Variants in EHF observed in about 807,000 individuals in gnomAD.
The protein encoded by EHF is ESE3 transcription factor.
Under a neutral mutation model 45.1 loss-of-function variants are expected in EHF, and 14 were observed. The observed-to-expected ratio is 0.31, with a 90% confidence interval of 0.21 to 0.49. The LOEUF is 0.49. Among genes scored for constraint, EHF ranks in the 20% least tolerant of loss-of-function variants. The pLI, the probability that EHF is intolerant of heterozygous loss-of-function variation, is 0.99. For missense variants in EHF, 282 were observed against 371.4 expected, an observed-to-expected ratio of 0.76 and a Z score of 1.98; for synonymous variants, 136 against 131.8, an observed-to-expected ratio of 1.03 and a Z score of -0.22.
At chr11:34,632,180 G>A (rs1852954824) in intron 1 of EHF, among the ~76,000 whole-genome samples, 3 of 152,194 alleles carry the variant, frequency 2.0e-5, no homozygotes, top group Non-Finnish European at 4.4e-5. Flanking sequence ...TGTTTGGGCA[G>A]ATGCCTTTCT....
chr11:34,657,647 G>T (rs900949013), intron 7 of EHF, among the ~76,000 whole-genome samples: 1 of 151,850 alleles, frequency 6.6e-6, no homozygotes, highest in Admixed American at 6.6e-5. Context: ...AAAATTAGCT[G>T]GGCATGGTGG....
chr11:34,648,794 A>G (rs889555694), intron 3 of EHF, among the ~76,000 whole-genome samples: 7 of 152,136 alleles, frequency 4.6e-5, no homozygotes, highest in Non-Finnish European at 8.8e-5. Flanking sequence ...CACATCAAAT[A>G]ATTGCTTCTA....
intron 1 of EHF, among the ~76,000 whole-genome samples, chr11:34,625,733 G>A (rs1161705613): frequency 6.6e-6 from 1 of 152,212 alleles, no homozygotes; most frequent in Non-Finnish European, 1.5e-5. Context: ...TATTTCACAA[G>A]CACCTAACCG....
intron 7 of EHF, among the ~76,000 whole-genome samples, chr11:34,658,124 G>A (rs911626032): frequency 6.6e-6 from 1 of 152,144 alleles, no homozygotes; most frequent in Non-Finnish European, 1.5e-5. Context: ...AATTGGTTGA[G>A]ATACTGGATA....
At chr11:34,645,315 G>GTATCTGAATGTAC (rs1278825534) in intron 2 of EHF, among the ~76,000 whole-genome samples, 23 of 152,216 alleles carry the variant, frequency 1.5e-4, no homozygotes, top group East Asian at 3.9e-4. Flanking sequence ...TTCTTCATTG[G>GTATCTGAATGTAC]CATCTGAATG....
chr11:34,626,842 T>C (rs1326334121), intron 1 of EHF, among the ~76,000 whole-genome samples: 1 of 152,230 alleles, frequency 6.6e-6, no homozygotes. Context: ...AGCTGGACTC[T>C]ACCACTGGGT....
rs1048904 is a variant in EHF, at chr11:34,662,996, C to A, written c.*4065C>A. On this transcript the variant is annotated 3_prime_UTR_variant, in exon 9 of 9. Transcript: ENST00000257831. ...TCCTGTTGAGACTGTGTCTTATGAA[C>A]CTCTGAAACGTACAAGCCTTCACAA... 0.16 allele frequency among the ~76,000 whole-genome samples: 24,767 copies of A among 151,990 alleles called. 2,328 individuals carry two copies. Among genetic ancestry groups the A allele is most frequent in the East Asian group, 0.42 (2,174 of 5,166 alleles).
At position 34,658,934 on chromosome 11, in the gene EHF, C is replaced by A. The variant is rs142375727; in HGVS notation, c.*3C>A. ...GATGGAGAGAAAATGAAAACTGAAG[C>A]TGCCAATACTTTGGACACAAACCAA... On this transcript the variant is annotated 3_prime_UTR_variant, in exon 9 of 9. Transcript: ENST00000257831. The A allele has an allele frequency of 8.0e-5, 128 of 1,608,728 alleles. No homozygotes were observed. The East Asian group carries it at 2.8e-3, about 36-fold the overall frequency.
intron 2 of EHF, among the ~76,000 whole-genome samples, 189 bp downstream of exon 2, chr11:34,642,916 G>C (rs2134108034): frequency 6.6e-6 from 1 of 152,330 alleles, no homozygotes; most frequent in South Asian, 2.1e-4. Flanking sequence ...GCTCGTTTGA[G>C]ATATTCTATT....
chr11:34,652,117 T>C (rs1855230502), intron 6 of EHF, among the ~76,000 whole-genome samples: 1 of 152,208 alleles, frequency 6.6e-6, no homozygotes, highest in African/African-American at 2.4e-5. Context: ...CTAAAATTAT[T>C]CATATTTGGG....
intron 1 of EHF, among the ~76,000 whole-genome samples, chr11:34,635,477 G>A (rs1003969984): frequency 1.9e-5 from 2 of 106,964 alleles, no homozygotes; most frequent in African/African-American, 6.0e-5. Flanking sequence ...TTGAGATGGA[G>A]TTTCACTCTT....
chr11:34,662,224 C>T lies in EHF; in HGVS notation c.*3293C>T, dbSNP rs1856127415. Among the ~76,000 whole-genome samples, 1 of 152,070 alleles carries T rather than the reference C, an allele frequency of 6.6e-6. No homozygotes were observed. Among genetic ancestry groups the T allele is most frequent in the South Asian group, 2.1e-4 (1 of 4,818 alleles). On this transcript the variant is annotated 3_prime_UTR_variant, in exon 9 of 9. Transcript: ENST00000257831. ...CTAAAAGACTCCTCTGATTGGGAGACCATATCTATAATTGGGATGTGAATC... is the reference window on the plus strand; with the variant it reads ...CTAAAAGACTCCTCTGATTGGGAGATCATATCTATAATTGGGATGTGAATC...
At position 34,659,902 on chromosome 11, in the gene EHF, C is replaced by T. The variant is rs1855980064; in HGVS notation, c.*971C>T. ...GCAGTATCCACTCATGGTCTCTAAC[C>T]ACTTGACACCAGAAACCCCCCAGCT... On this transcript the variant is annotated 3_prime_UTR_variant, in exon 9 of 9. Coordinates refer to ENST00000257831, the MANE Select transcript of EHF (RefSeq NM_012153.6). 4 of 152,216 alleles carry T rather than the reference C, an allele frequency of 2.6e-5. No homozygotes were observed. The South Asian group carries it at 8.3e-4, about 32-fold the overall frequency. 9.4% of individuals were successfully genotyped at this position (152,216 alleles called of 1,614,324 possible).
At chr11:34,635,930 G>A (rs1021132780) in intron 1 of EHF, among the ~76,000 whole-genome samples, 30 of 152,062 alleles carry the variant, frequency 2.0e-4, no homozygotes, top group African/African-American at 7.2e-4. Context: ...TCCAAGCCCC[G>A]CTGTTTATAG....
chr11:34,632,448 A>G (rs753599029), intron 1 of EHF: 254 of 1,486,192 alleles, frequency 1.7e-4, no homozygotes, highest in Admixed American at 3.4e-4. Context: ...AGAGAGAGAC[A>G]TTCAGCCATC....
chr11:34,632,549 A>C, intron 1 of EHF: 1 of 1,535,576 alleles, frequency 6.5e-7, no homozygotes, highest in Admixed American at 2.0e-5. Flanking sequence ...CCTCTCTGCC[A>C]ACTCCACGTC....
intron 2 of EHF, among the ~76,000 whole-genome samples, chr11:34,646,027 GGTGTGTGTGTGTGTGTGTGTGT>G (rs71041935): frequency 1.4e-5 from 2 of 144,224 alleles, no homozygotes; most frequent in Non-Finnish European, 3.0e-5. Flanking sequence ...TGAGTTTGGT[GGTGTGTGTGTGTGTGTGTGTGT>G]GTGTGTGTGT....
At chr11:34,636,883 GC>G (rs1476938595) in intron 1 of EHF, among the ~76,000 whole-genome samples, 14 of 152,094 alleles carry the variant, frequency 9.2e-5, no homozygotes, top group African/African-American at 3.4e-4. Context: ...TACAAAATTA[GC>G]CGGGCGTGGT....
At chr11:34,624,676 C>T (rs1055019098) in intron 1 of EHF, among the ~76,000 whole-genome samples, 11 of 152,098 alleles carry the variant, frequency 7.2e-5, no homozygotes, top group African/African-American at 1.9e-4. Flanking sequence ...CATTGATGTC[C>T]GGAAACCAGG....
Sources: allele counts gnomAD v4.1 joint callset (sites outside exome capture counted in the v4.1 genomes callset), GRCh38; gene constraint gnomAD v4.1.1; transcripts MANE v1.5; gene names NCBI Gene and HGNC (gene_info 2026-07-23, HGNC 2026-07-21).